The following DPH5 variants were observed in gnomAD, a reference collection of about 807,000 sequenced individuals.
The protein encoded by DPH5 is diphthamide biosynthesis 5, also known as diphthine methyl ester synthase.
Under a neutral mutation model 31.6 loss-of-function variants are expected in DPH5, and 31 were observed. The ratio of observed to expected loss-of-function variants is 0.98; its 90% CI spans 0.74 to 1.32. The LOEUF (loss-of-function observed/expected upper bound fraction) is 1.32. Among genes scored for constraint, DPH5 ranks in the 40% most tolerant of loss-of-function variants. DPH5 has a pLI of 0.00. For missense variants in DPH5, 309 were observed against 335.7 expected, an observed-to-expected ratio of 0.92 and a Z score of 0.62; for synonymous variants, 120 against 115.0, an observed-to-expected ratio of 1.04 and a Z score of -0.28.
At chr1:101,023,565 A>G (rs1029252167) in intron 2 of DPH5, among the ~76,000 whole-genome samples, 6 of 152,234 alleles carry the variant, frequency 3.9e-5, no homozygotes, top group Non-Finnish European at 7.3e-5. Context: ...TTGGAAAAAA[A>G]TACTTTACAA....
At chr1:100,994,166 G>A (rs1658118514) in intron 6 of DPH5, among the ~76,000 whole-genome samples, 1 of 152,074 alleles carries the variant, frequency 6.6e-6, no homozygotes, top group African/African-American at 2.4e-5. Context: ...TGTTCTTACA[G>A]CACACCTTAA....
chr1:101,021,533 T>C (rs558742538), intron 3 of DPH5, 108 bp downstream of exon 3: 9 of 1,119,014 alleles, frequency 8.0e-6, no homozygotes, highest in Non-Finnish European at 1.1e-5. Context: ...GTAACCAGAG[T>C]TCCTTATCAG....
At position 101,013,729 on chromosome 1, in the gene DPH5, A is replaced by C; in HGVS notation, c.350T>G (p.Val117Gly). The C allele has an allele frequency of 3.1e-6, 5 of 1,610,824 alleles. No individual in the cohort carries two copies. The highest frequency in any genetic ancestry group is 4.2e-6 in the Non-Finnish European group (5 of 1,178,092). The change falls in exon 4 of 8, where the codon GTA becomes GGA. Residue 117 changes from valine (V) to glycine (G), a missense_variant. Val to Gly is a moderately radical substitution (Grantham distance 109, BLOSUM62 -3). Coordinates refer to ENST00000370109, the MANE Select transcript of DPH5 (RefSeq NM_015958.3). ...VIHNASIMNAVGCCGLQLYKF... is the reference protein window; with the variant it reads ...VIHNASIMNAGGCCGLQLYKF... ...CATTACCTGTAAACCACAGCAGCCT[A>C]CAGCATTCATTATGGAGGCATTGTG...
In DPH5 at chr1:100,992,698, G is replaced by T. The variant is rs545452289; in HGVS notation, c.573C>A (p.Asn191Lys). ...IYEPPRYMSV[N>K]QAAQQLLEIV... ...TCTCCAGAAGCTGCTGGGCTGCTTG[G>T]TTTACACTCATATACCGTGGAGGTT... Residue 191 changes from asparagine to lysine, a missense_variant, in exon 7 of 8, where the codon AAC becomes AAA. Coordinates refer to ENST00000370109, the MANE Select transcript of DPH5 (RefSeq NM_015958.3). 2 of 1,613,726 alleles carry T rather than the reference G, an allele frequency of 1.2e-6. No homozygotes were observed. Among genetic ancestry groups the T allele is most frequent in the African/African-American group, 2.7e-5 (2 of 74,878 alleles).
intron 4 of DPH5, among the ~76,000 whole-genome samples, chr1:101,002,373 G>A (rs1354850109): frequency 6.6e-6 from 1 of 152,120 alleles, no homozygotes; most frequent in Non-Finnish European, 1.5e-5. Context: ...TGTTGGCTGT[G>A]TGATATTACT....
intron 7 of DPH5, among the ~76,000 whole-genome samples, chr1:100,991,446 C>T (rs1299461099): frequency 1.3e-5 from 2 of 152,134 alleles, no homozygotes; most frequent in East Asian, 1.9e-4. Flanking sequence ...ATTTGTTTCA[C>T]GACTTTAACA....
chr1:101,022,241 C>CA (rs1660510151), intron 2 of DPH5, among the ~76,000 whole-genome samples: 1 of 152,070 alleles, frequency 6.6e-6, no homozygotes, highest in African/African-American at 2.4e-5. Flanking sequence ...AAGGCAGCAC[C>CA]AATGAGAAAC....
intron 6 of DPH5, among the ~76,000 whole-genome samples, chr1:100,994,894 C>T (rs1658200282): frequency 6.6e-6 from 1 of 152,136 alleles, no homozygotes; most frequent in Non-Finnish European, 1.5e-5. Context: ...CTGTTAGATG[C>T]CAACCACTGT....
intron 5 of DPH5, among the ~76,000 whole-genome samples, chr1:100,997,819 A>T (rs1468829150): frequency 6.6e-6 from 1 of 152,172 alleles, no homozygotes; most frequent in Admixed American, 6.5e-5. Context: ...TTCATCCCTC[A>T]GATACATCTA....
At chr1:101,000,119 C>A (rs1285896413) in intron 5 of DPH5, among the ~76,000 whole-genome samples, 1 of 151,974 alleles carries the variant, frequency 6.6e-6, no homozygotes, top group South Asian at 2.1e-4. Context: ...TGCACTCCAG[C>A]CTGGGCAACA....
intron 4 of DPH5, 66 bp downstream of exon 4, chr1:101,013,644 T>G: frequency 9.1e-7 from 1 of 1,103,654 alleles, no homozygotes; most frequent in Non-Finnish European, 1.3e-6. Flanking sequence ...TAAATGTATT[T>G]TCAATTTGTG....
intron 4 of DPH5, among the ~76,000 whole-genome samples, chr1:101,005,908 G>T (rs963007888): frequency 4.6e-5 from 7 of 152,188 alleles, no homozygotes; most frequent in Admixed American, 2.6e-4. Context: ...GGAGGGACCC[G>T]GTAGTGGGGG....
intron 4 of DPH5, among the ~76,000 whole-genome samples, chr1:101,012,979 C>T (rs1431614535): frequency 6.6e-6 from 1 of 152,120 alleles, no homozygotes; most frequent in East Asian, 1.9e-4. Context: ...ACTTATTTCA[C>T]AGCTTCTAAG....
chr1:101,016,606 C>T (rs1660098212), intron 3 of DPH5, among the ~76,000 whole-genome samples: 1 of 151,706 alleles, frequency 6.6e-6, no homozygotes, highest in African/African-American at 2.4e-5. Context: ...CCACCACGCC[C>T]AGCTAATTTT....
intron 3 of DPH5, among the ~76,000 whole-genome samples, chr1:101,016,170 C>G (rs912024288): frequency 6.6e-6 from 1 of 151,888 alleles, no homozygotes; most frequent in African/African-American, 2.4e-5. Context: ...CTGACCAACA[C>G]GGTGAAACCC....
intron 4 of DPH5, among the ~76,000 whole-genome samples, chr1:101,008,255 A>T (rs542953756): frequency 6.6e-6 from 1 of 152,344 alleles, no homozygotes; most frequent in East Asian, 1.9e-4. Context: ...AGAGTTAAAG[A>T]TAATGATTGG....
chr1:101,001,461 C>A lies in DPH5; in HGVS notation c.490+6G>T. ...TGTTACTTCAAGGAAATTCCAAAAC[C>A]CTTACCTAGTAAACATAATGTGTGC... is the stretch of plus-strand genomic sequence containing the variant. On this transcript the variant is annotated splice_donor_region_variant and intron_variant, in intron 5 of 7. Transcript: ENST00000370109. 6.2e-7 allele frequency: 1 copy of A among 1,608,874 alleles called. No individual in the cohort carries two copies. Among genetic ancestry groups the A allele is most frequent in the South Asian group, 1.1e-5 (1 of 89,478 alleles).
In DPH5 at chr1:101,002,314, T is replaced by A. The variant is rs192538553; in HGVS notation, c.370-727A>T. The stretch of plus-strand genomic sequence containing the variant: ...ACTAGCTCACTTAAGTGAGTCCAAT[T>A]TCAAATCTTATGTGAGAAAATCTAC... On this transcript the variant is annotated intron_variant, in intron 4 of 7. Transcript: ENST00000370109. Among the ~76,000 whole-genome samples, 280 of 152,314 alleles carry A rather than the reference T, an allele frequency of 1.8e-3. 1 individual carries two copies. The highest frequency in any genetic ancestry group is 6.1e-3 in the African/African-American group (252 of 41,556).
At chr1:100,993,698 T>C (rs1483270858) in intron 6 of DPH5, among the ~76,000 whole-genome samples, 4 of 149,964 alleles carry the variant, frequency 2.7e-5, no homozygotes, top group Non-Finnish European at 5.9e-5. Context: ...AAGCCATATA[T>C]AGAATCAAGT....
Sources: gnomAD v4.1 joint callset for allele counts (sites outside exome capture counted in the v4.1 genomes callset) on GRCh38, gnomAD v4.1.1 for gene constraint, MANE v1.5 for transcripts, NCBI Gene and HGNC (gene_info 2026-07-23, HGNC 2026-07-21) for gene names.